The following CCDC102B variants were observed in gnomAD, a reference collection of about 807,000 sequenced individuals.
CCDC102B encodes the protein coiled-coil domain containing 102B.
A neutral mutation model predicts 57.4 loss-of-function variants in CCDC102B; 75 were observed. The ratio of observed to expected loss-of-function variants is 1.31; its 90% CI spans 1.08 to 1.58. The LOEUF (loss-of-function observed/expected upper bound fraction) is 1.58. CCDC102B is among the 40% of genes most tolerant of loss of function. The pLI, the probability that CCDC102B is intolerant of heterozygous loss-of-function variation, is 0.00. For synonymous variants in CCDC102B, 206 were observed against 201.9 expected, an observed-to-expected ratio of 1.02 and a Z score of -0.17; for missense variants, 636 against 582.6, an observed-to-expected ratio of 1.09 and a Z score of -0.94.
At chr18:69,009,822 A>C (rs2051453516) in intron 6 of CCDC102B, among the ~76,000 whole-genome samples, 1 of 151,288 alleles carries the variant, frequency 6.6e-6, no homozygotes, top group Admixed American at 6.6e-5. Flanking sequence ...GTAATATGAC[A>C]GCATGTTTTA....
At chr18:69,055,808 TA>T (rs1568154914), downstream of CCDC102B, among the ~76,000 whole-genome samples, 1 of 151,934 alleles carries the variant, frequency 6.6e-6, no homozygotes, top group Non-Finnish European at 1.5e-5. Context: ...TAAAAACACA[TA>T]AAGGGGAAAA....
intron 6 of CCDC102B, among the ~76,000 whole-genome samples, chr18:68,909,305 G>C (rs935190579): frequency 1.3e-5 from 2 of 152,036 alleles, no homozygotes; most frequent in African/African-American, 4.8e-5. Flanking sequence ...AAAAAATAAC[G>C]ATCTAGTCTA....
intron 2 of CCDC102B, among the ~76,000 whole-genome samples, chr18:68,781,947 A>C (rs2035020692): frequency 6.6e-6 from 1 of 152,138 alleles, no homozygotes; most frequent in Non-Finnish European, 1.5e-5. Context: ...CTAGAATTAG[A>C]CAAATAATGT....
At chr18:68,876,747 A>G (rs1013417921) in intron 5 of CCDC102B, among the ~76,000 whole-genome samples, 1 of 152,220 alleles carries the variant, frequency 6.6e-6, no homozygotes, top group African/African-American at 2.4e-5. Flanking sequence ...TTCTGGGTTT[A>G]TATTGACAAA....
intron 6 of CCDC102B, among the ~76,000 whole-genome samples, chr18:68,969,324 CTG>C (rs2050240479): frequency 6.6e-6 from 1 of 152,200 alleles, no homozygotes; most frequent in Non-Finnish European, 1.5e-5. Context: ...CCTTACCTGC[CTG>C]TGTCTGAAGG....
chr18:68,718,373 G>C (rs371153004), intron 2 of CCDC102B, among the ~76,000 whole-genome samples: 48 of 152,292 alleles, frequency 3.2e-4, no homozygotes, highest in African/African-American at 1.1e-3. Flanking sequence ...AGAACTACGT[G>C]CAAATCCTAA....
chr18:68,999,474 T>C (rs1599825218), intron 6 of CCDC102B, among the ~76,000 whole-genome samples: 1 of 148,336 alleles, frequency 6.7e-6, no homozygotes, highest in African/African-American at 2.5e-5. Context: ...AGTATGGTGG[T>C]GCATGCCTGT....
intron 6 of CCDC102B, among the ~76,000 whole-genome samples, chr18:68,929,662 T>C (rs1372595738): frequency 6.6e-6 from 1 of 151,958 alleles, no homozygotes; most frequent in African/African-American, 2.4e-5. Flanking sequence ...TTTCAAACAT[T>C]AACCATCTCC....
chr18:68,732,352 T>C (rs1199241566), intron 2 of CCDC102B, among the ~76,000 whole-genome samples: 1 of 145,860 alleles, frequency 6.9e-6, no homozygotes, highest in Non-Finnish European at 1.5e-5. Context: ...TTTTTTTCTC[T>C]CTCTCTTTTT....
At chr18:68,993,943 G>A (rs1188841421) in intron 6 of CCDC102B, among the ~76,000 whole-genome samples, 1 of 151,966 alleles carries the variant, frequency 6.6e-6, no homozygotes, top group Non-Finnish European at 1.5e-5. Flanking sequence ...AAACTTTATA[G>A]ATATTTTATA....
chr18:69,021,455 T>C (rs550679499), intron 7 of CCDC102B, among the ~76,000 whole-genome samples: 48 of 152,266 alleles, frequency 3.2e-4, no homozygotes, highest in Middle Eastern at 3.4e-3. Context: ...AGGAACCGAA[T>C]TGATTTGTAA....
chr18:69,012,888 T>C (rs1266706016), intron 7 of CCDC102B, among the ~76,000 whole-genome samples: 6 of 152,108 alleles, frequency 3.9e-5, no homozygotes, highest in Non-Finnish European at 8.8e-5. Flanking sequence ...TTAAAATAAT[T>C]TTAAAAACCC....
intron 1 of CCDC102B, among the ~76,000 whole-genome samples, chr18:68,834,493 CT>C: frequency 7.3e-6 from 1 of 137,096 alleles, no homozygotes; most frequent in South Asian, 2.2e-4. Context: ...TTGTTCTTTT[CT>C]TTTTTATATT....
At chr18:68,962,629 A>G (rs1217739346) in intron 6 of CCDC102B, among the ~76,000 whole-genome samples, 1 of 152,078 alleles carries the variant, frequency 6.6e-6, no homozygotes, top group Non-Finnish European at 1.5e-5. Context: ...AGTAGCAACC[A>G]AGAAAAGCAG....
In CCDC102B at chr18:68,977,556, TA is replaced by T. The variant is rs79692983; in HGVS notation, c.1264-33365del. Among the ~76,000 whole-genome samples the T allele has an allele frequency of 2.4e-3, 332 of 139,304 alleles. 1 individual carries two copies. Among genetic ancestry groups the T allele is most frequent in the South Asian group, 6.1e-3 (27 of 4,396 alleles). 91.4% of individuals were successfully genotyped at this position (139,304 alleles called of 152,430 possible). On this transcript the variant is annotated intron_variant, in intron 6 of 7. Coordinates refer to ENST00000360242, the MANE Select transcript of CCDC102B (RefSeq NM_024781.3). ...TAGGTCAACATTTAAACTATAGCACTAAAAAAAAAAAAACAGGTTGTAAAAC... is the reference window on the plus strand; with the variant it reads ...TAGGTCAACATTTAAACTATAGCACTAAAAAAAAAAAACAGGTTGTAAAAC...
intron 6 of CCDC102B, among the ~76,000 whole-genome samples, chr18:68,957,281 T>A (rs533767520): frequency 1.2e-4 from 19 of 152,108 alleles, no homozygotes; most frequent in South Asian, 2.1e-4. Flanking sequence ...ACGTCTTTAA[T>A]GTTTGTATTT....
intron 6 of CCDC102B, among the ~76,000 whole-genome samples, chr18:68,981,400 A>C (rs2050577072): frequency 6.6e-6 from 1 of 152,036 alleles, no homozygotes; most frequent in African/African-American, 2.4e-5. Context: ...CATAAGGGAC[A>C]GGACGATGGT....
intron 3 of CCDC102B, among the ~76,000 whole-genome samples, chr18:68,842,030 C>T (rs1198604186): frequency 5.3e-5 from 8 of 152,064 alleles, no homozygotes; most frequent in African/African-American, 1.7e-4. Context: ...TGAGCCACTG[C>T]GCCCAGCCCA....
chr18:68,825,973 A>G (rs1331944692), intron 1 of CCDC102B, among the ~76,000 whole-genome samples: 1 of 152,178 alleles, frequency 6.6e-6, no homozygotes, highest in African/African-American at 2.4e-5. Context: ...CGTTACTGTC[A>G]TCTCTTCAGA....
Sources: gnomAD v4.1 joint callset for allele counts (sites outside exome capture counted in the v4.1 genomes callset) on GRCh38, gnomAD v4.1.1 for gene constraint, MANE v1.5 for transcripts, NCBI Gene and HGNC (gene_info 2026-07-23, HGNC 2026-07-21) for gene names.